CHRM3: variants seen among roughly 807,000 people sequenced by gnomAD.
CHRM3 encodes muscarinic acetylcholine receptor M3.
CHRM3 carries 11 observed loss-of-function variants against 41.8 expected under a neutral mutation model. The observed-to-expected ratio is 0.26, with a 90% CI of 0.17 to 0.44. The LOEUF (loss-of-function observed/expected upper bound fraction) is 0.44. Among genes scored for constraint, CHRM3 ranks in the 20% least tolerant of loss-of-function variants. The pLI is 1.00. For missense variants in CHRM3, 571 were observed against 745.4 expected, an observed-to-expected ratio of 0.77 and a Z score of 2.72; for synonymous variants, 297 against 301.4, an observed-to-expected ratio of 0.99 and a Z score of 0.15.
chr1:239,631,829 CATACTAGCCA>C (rs1669868582), intron 3 of CHRM3, among the ~76,000 whole-genome samples: 2 of 152,260 alleles, frequency 1.3e-5, no homozygotes, highest in South Asian at 4.1e-4. Flanking sequence ...GAACATAGAC[CATACTAGCCA>C]ATTTGCTAAG....
intron 1 of CHRM3, among the ~76,000 whole-genome samples, chr1:239,457,190 T>G (rs540307572): frequency 6.6e-6 from 1 of 152,308 alleles, no homozygotes; most frequent in Non-Finnish European, 1.5e-5. Flanking sequence ...ATAGGCAGGT[T>G]ACTTAACTTT....
At chr1:239,802,187 A>T (rs1040478219) in intron 5 of CHRM3, among the ~76,000 whole-genome samples, 1 of 152,232 alleles carries the variant, frequency 6.6e-6, no homozygotes, top group African/African-American at 2.4e-5. Flanking sequence ...ATGTAAGCTG[A>T]CATGACTGAT....
intron 2 of CHRM3, among the ~76,000 whole-genome samples, chr1:239,509,170 C>G (rs1212031058): frequency 6.6e-6 from 1 of 152,188 alleles, no homozygotes; most frequent in African/African-American, 2.4e-5. Flanking sequence ...TTTAGCTAAA[C>G]CATCCAGTGA....
chr1:239,895,630 C>G (rs1678934055), intron 6 of CHRM3, among the ~76,000 whole-genome samples: 1 of 152,166 alleles, frequency 6.6e-6, no homozygotes, highest in African/African-American at 2.4e-5. Context: ...CTGTGGAATA[C>G]TATGCAGCCA....
chr1:239,597,912 C>T (rs370943625), intron 3 of CHRM3, among the ~76,000 whole-genome samples: 1 of 121,226 alleles, frequency 8.2e-6, no homozygotes, highest in East Asian at 2.7e-4. Context: ...CTTTCTTTCT[C>T]TCTGAGAACA....
intron 1 of CHRM3, among the ~76,000 whole-genome samples, chr1:239,393,215 A>G (rs1659193004): frequency 6.6e-6 from 1 of 152,148 alleles, no homozygotes; most frequent in Non-Finnish European, 1.5e-5. Context: ...TAAATATTAA[A>G]TATTGTTGGG....
chr1:239,820,155 A>T (rs1671921696), intron 5 of CHRM3, among the ~76,000 whole-genome samples: 1 of 152,232 alleles, frequency 6.6e-6, no homozygotes, highest in South Asian at 2.1e-4. Flanking sequence ...AGGCACATTA[A>T]TGGGAAAAAA....
intron 3 of CHRM3, among the ~76,000 whole-genome samples, chr1:239,567,494 AG>A (rs1294684644): frequency 6.6e-6 from 1 of 152,172 alleles, no homozygotes; most frequent in African/African-American, 2.4e-5. Context: ...GTAGATATGC[AG>A]GGTAAAAAAA....
chr1:239,860,975 G>T (rs1675588649), intron 6 of CHRM3, among the ~76,000 whole-genome samples: 1 of 151,938 alleles, frequency 6.6e-6, no homozygotes, highest in Admixed American at 6.6e-5. Context: ...TATTTAGAGG[G>T]TAAAAAAATT....
chr1:239,754,392 T>TTTAGGCAGA (rs1367970567), intron 5 of CHRM3, among the ~76,000 whole-genome samples: 19 of 152,196 alleles, frequency 1.2e-4, no homozygotes, highest in Non-Finnish European at 2.5e-4. Context: ...TCCATAGACA[T>TTTAGGCAGA]TTAGGCAGAT....
intron 3 of CHRM3, among the ~76,000 whole-genome samples, chr1:239,571,160 G>T (rs1558328403): frequency 6.6e-6 from 1 of 152,108 alleles, no homozygotes. Context: ...AGATTAAGTG[G>T]CTGCCAGTTA....
At chr1:239,526,581 A>G (rs1670007752) in intron 2 of CHRM3, among the ~76,000 whole-genome samples, 1 of 152,178 alleles carries the variant, frequency 6.6e-6, no homozygotes, top group African/African-American at 2.4e-5. Context: ...GGCCTCAGCA[A>G]GCACACTGCT....
intron 2 of CHRM3, among the ~76,000 whole-genome samples, chr1:239,528,840 C>A (rs1202476848): frequency 6.6e-6 from 1 of 152,092 alleles, no homozygotes; most frequent in Non-Finnish European, 1.5e-5. Flanking sequence ...TTGCAGTGAG[C>A]CGAGATCACA....
intron 6 of CHRM3, among the ~76,000 whole-genome samples, chr1:239,862,458 T>A (rs1029275104): frequency 3.3e-5 from 5 of 152,178 alleles, no homozygotes; most frequent in African/African-American, 1.2e-4. Flanking sequence ...AGTCATTACA[T>A]GACAATTCCA....
intron 4 of CHRM3, among the ~76,000 whole-genome samples, chr1:239,643,581 G>A (rs992568319): frequency 2.0e-5 from 3 of 152,226 alleles, no homozygotes; most frequent in African/African-American, 4.8e-5. Context: ...CCAGGTGCGG[G>A]ATATAATCTC....
intron 6 of CHRM3, among the ~76,000 whole-genome samples, chr1:239,866,302 G>C (rs1202709628): frequency 6.6e-6 from 1 of 152,020 alleles, no homozygotes; most frequent in Admixed American, 6.5e-5. Context: ...GCGTGAACCC[G>C]GGAGGCGGAG....
rs532407841 is a variant in CHRM3, at chr1:239,748,899, C to G, written c.-147+70611C>G. Among the ~76,000 whole-genome samples, 17 of 152,262 alleles carry G rather than the reference C, an allele frequency of 1.1e-4. No individual in the cohort carries two copies. The South Asian group carries it at 2.7e-3, about 24-fold the overall frequency. ...TAGCTTTACTGAAGGAAAATGATTT[C>G]TGGGGCACACCAGCCCTGTACTGGC... On this transcript the variant is annotated intron_variant, in intron 5 of 6. Coordinates refer to ENST00000676153, the MANE Select transcript of CHRM3 (RefSeq NM_001375978.1). The surrounding 1 kb of genome is among the most constrained non-coding windows in gnomAD (Gnocchi z 4.3).
At chr1:239,872,798 T>C (rs1220908868) in intron 6 of CHRM3, among the ~76,000 whole-genome samples, 1 of 152,186 alleles carries the variant, frequency 6.6e-6, no homozygotes, top group Non-Finnish European at 1.5e-5. Flanking sequence ...CATGCTGTGA[T>C]AGATGTCATG....
chr1:239,785,765 A>C (rs1178455023), intron 5 of CHRM3, among the ~76,000 whole-genome samples: 4 of 152,206 alleles, frequency 2.6e-5, no homozygotes, highest in African/African-American at 9.6e-5. Context: ...ATGGGAGCTA[A>C]ACTGACTGAT....
Sources: gnomAD v4.1 joint callset for allele counts (sites outside exome capture counted in the v4.1 genomes callset) on GRCh38, gnomAD v4.1.1 for gene constraint, Gnocchi (gnomAD v3.1) non-coding constraint, MANE v1.5 for transcripts, NCBI Gene and HGNC (gene_info 2026-07-23, HGNC 2026-07-21) for gene names.